CAMKK1: variants seen among roughly 807,000 people sequenced by gnomAD.
CAMKK1 encodes the protein calcium/calmodulin-dependent protein kinase kinase 1.
CAMKK1 carries 20 observed loss-of-function variants against 63.5 expected under a neutral mutation model. That is an observed-to-expected ratio of 0.32 (90% CI 0.22 to 0.46). The LOEUF is 0.46. Ranked by LOEUF, CAMKK1 falls within the 20% of genes least tolerant of loss-of-function variation. The pLI, the probability that CAMKK1 is intolerant of heterozygous loss-of-function variation, is 1.00. For missense variants in CAMKK1, 588 were observed against 658.1 expected (o/e 0.89, Z 1.17); for synonymous variants, 253 against 269.0 (o/e 0.94, Z 0.58).
intron 15 of CAMKK1, among the ~76,000 whole-genome samples, chr17:3,864,628 C>A (rs531172983): frequency 6.6e-6 from 1 of 152,246 alleles, no homozygotes; most frequent in East Asian, 1.9e-4. Context: ...TGCCCCCTCT[C>A]CCCCTACACT....
Position 3,884,425 on chromosome 17 carries a change from G to C in CAMKK1, c.363C>G (p.Asp121Glu), listed in dbSNP as rs1341057329. 6 of 1,613,330 alleles carry C rather than the reference G, an allele frequency of 3.7e-6. No individual in the cohort carries two copies. The highest frequency in any genetic ancestry group is 5.1e-6 in the Non-Finnish European group (6 of 1,179,700). The stretch of plus-strand genomic sequence containing the variant: ...GCTTGTACTGGTTCAGCTGCACGCA[G>C]TCCTGTGGGGGAAGAGCGAGCACCA... ...SHHVAISDAE[D>E]CVQLNQYKLQ... is the part of the protein sequence containing the mutation. Residue 121 changes from aspartate to glutamate, a missense_variant and splice_region_variant, in exon 3 of 16, where the codon GAC (aspartate) becomes GAG (glutamate). Asp to Glu is a conservative substitution (Grantham distance 45). This residue lies in a region of CAMKK1 where 357 missense variants were observed against 407.4 expected (regional missense o/e 0.88). Coordinates refer to ENST00000348335, the MANE Select transcript of CAMKK1 (RefSeq NM_032294.3). The surrounding 1 kb of genome is among the most constrained non-coding windows in gnomAD (Gnocchi z 4.5).
Position 3,882,081 on chromosome 17 carries a change from A to G in CAMKK1, c.686-433T>C, listed in dbSNP as rs558610844. 4.0e-5 allele frequency: 23 copies of G among 570,650 alleles called. 1 individual carries two copies. The South Asian group carries it at 4.2e-4, about 11-fold the overall frequency. The allele number at this position is 570,650 out of a possible 1,614,324, so 35.3% of individuals were successfully genotyped here. On this transcript the variant is annotated intron_variant, in intron 7 of 15. Coordinates refer to ENST00000348335, the MANE Select transcript of CAMKK1 (RefSeq NM_032294.3). This position sits in a 1 kb window ranked among gnomAD's most constrained non-coding sequence, Gnocchi z 4.3. ...GAACCAGACACAAGGAACTAAAATA[A>G]TAACATTACTATTAACAAGGATAAT...
At chr17:3,871,555 A>G (rs567045494) in intron 12 of CAMKK1, among the ~76,000 whole-genome samples, 3 of 148,092 alleles carry the variant, frequency 2.0e-5, no homozygotes, top group South Asian at 4.2e-4. Context: ...ATGGGGTTTC[A>G]CCGTGTTAGC....
In CAMKK1 at chr17:3,887,724, C is replaced by T. The variant is rs538337492; in HGVS notation, c.-43-1994G>A. Among the ~76,000 whole-genome samples, 35 of 151,956 alleles carry T rather than the reference C, an allele frequency of 2.3e-4. No homozygotes were observed. Among genetic ancestry groups the T allele is most frequent in the African/African-American group, 6.5e-4 (27 of 41,446 alleles). On this transcript the variant is annotated intron_variant, in intron 1 of 15. Transcript: ENST00000348335. The surrounding 1 kb of genome is among the most constrained non-coding windows in gnomAD (Gnocchi z 6.1). ...GAGAGGCTGTGGCATAGGGAGGCCT[C>T]CCTGGAGGAGGTGAGAGGGACAGTG... is the stretch of plus-strand genomic sequence containing the variant.
chr17:3,873,555 CCT>C (rs2054998705), intron 10 of CAMKK1, 93 bp from the exon 11 acceptor site: 1 of 1,198,014 alleles, frequency 8.3e-7, no homozygotes. Context: ...CTGCAGGGAA[CCT>C]CTTTCCTCTG....
intron 10 of CAMKK1, among the ~76,000 whole-genome samples, chr17:3,875,625 C>G (rs761876622): frequency 1.3e-5 from 2 of 152,172 alleles, no homozygotes; most frequent in Non-Finnish European, 2.9e-5. Flanking sequence ...CCAAATGCCT[C>G]TCACCCACAG....
Position 3,883,380 on chromosome 17 carries a change from T to C in CAMKK1, c.514+49A>G. 6.3e-7 allele frequency: 1 copy of C among 1,579,368 alleles called. No homozygotes were observed. The highest frequency in any genetic ancestry group is 8.7e-7 in the Non-Finnish European group (1 of 1,148,544). ...CTAGCTCAGGATCGAGGTCTCCTCC[T>C]CTGCCTCCAGGCTAGGAGCTCCCAG... On this transcript the variant is annotated intron_variant, in intron 5 of 15. Coordinates refer to ENST00000348335, the MANE Select transcript of CAMKK1 (RefSeq NM_032294.3). This position sits in a 1 kb window ranked among gnomAD's most constrained non-coding sequence, Gnocchi z 4.7.
rs2055545025 is a variant in CAMKK1, at chr17:3,884,266, C to T, written c.408+114G>A. The T allele has an allele frequency of 8.4e-7, 1 of 1,195,172 alleles. No individual in the cohort carries two copies. The highest frequency in any genetic ancestry group is 1.2e-6 in the Non-Finnish European group (1 of 813,468). 74.0% of individuals were successfully genotyped at this position (1,195,172 alleles called of 1,614,324 possible). A position where few individuals can be genotyped will look rare whatever the true frequency, so the allele number is the denominator to read the frequency against. ...CCACAGGGCACGAAACTGTCCTCAC[C>T]TCCAGGCTAGGACTTGCCTGGCTCT... On this transcript the variant is annotated intron_variant, in intron 3 of 15. Transcript: ENST00000348335. This position sits in a 1 kb window ranked among gnomAD's most constrained non-coding sequence, Gnocchi z 4.5.
intron 12 of CAMKK1, 37 bp from the exon 13 acceptor site, chr17:3,869,925 G>A (rs749764305): frequency 1.8e-5 from 27 of 1,510,282 alleles, no homozygotes; most frequent in South Asian, 1.1e-4. Flanking sequence ...GGGTGGGACC[G>A]CTGATGAGGA....
rs780772317 is a variant in CAMKK1, at chr17:3,887,766, C to T, written c.-43-2036G>A. ...GGGACAGTGAGTGGGGCTGGAGCTT[C>T]GGGGAGAGCTTGGAAACCAGACAGC... On this transcript the variant is annotated intron_variant, in intron 1 of 15. Coordinates refer to ENST00000348335, the MANE Select transcript of CAMKK1 (RefSeq NM_032294.3). The surrounding 1 kb of genome is among the most constrained non-coding windows in gnomAD (Gnocchi z 6.1). 2.0e-5 allele frequency among the ~76,000 whole-genome samples: 3 copies of T among 152,206 alleles called. No individual in the cohort carries two copies. The highest frequency in any genetic ancestry group is 2.1e-4 in the South Asian group (1 of 4,824).
At position 3,869,939 on chromosome 17, in the gene CAMKK1, C is replaced by G; in HGVS notation, c.1125-51G>C. The G allele has an allele frequency of 3.5e-6, 5 of 1,414,050 alleles. No homozygotes were observed. The South Asian group carries it at 4.6e-5, about 13-fold the overall frequency. The allele number at this position is 1,414,050 out of a possible 1,614,324, so 87.6% of individuals were successfully genotyped here. A position where few individuals can be genotyped will look rare whatever the true frequency, so the allele number is the denominator to read the frequency against. On this transcript the variant is annotated intron_variant, in intron 12 of 15. Transcript: ENST00000348335. Reference sequence around the variant, plus strand: ...AGGGTGGGACCGCTGATGAGGACCCCTTCCTGTCCACCTCTCTTCCCGAAA... The same window carrying G: ...AGGGTGGGACCGCTGATGAGGACCCGTTCCTGTCCACCTCTCTTCCCGAAA...
At chr17:3,865,319 G>A (rs1402347480) in intron 15 of CAMKK1, 14 of 986,796 alleles carry the variant, frequency 1.4e-5, no homozygotes, top group African/African-American at 1.7e-5. Flanking sequence ...TTCCTCTCCC[G>A]TGGTCCACCG....
chr17:3,883,746 T>G lies in CAMKK1; in HGVS notation c.462+138A>C, dbSNP rs1250463325. The G allele has an allele frequency of 4.1e-5, 34 of 822,912 alleles. No homozygotes were observed. In the East Asian group the frequency reaches 8.5e-4, roughly 21 times the overall value. The allele number at this position is 822,912 out of a possible 1,614,324, so 51.0% of individuals were successfully genotyped here. A position where few individuals can be genotyped will look rare whatever the true frequency, so the allele number is the denominator to read the frequency against. ...ATATCCCCAGGGTTAGGAAGCTCAT[T>G]CCTTTGCATACCCCTAGGGACAGGG... On this transcript the variant is annotated intron_variant, in intron 4 of 15. Coordinates refer to ENST00000348335, the MANE Select transcript of CAMKK1 (RefSeq NM_032294.3). This position sits in a 1 kb window ranked among gnomAD's most constrained non-coding sequence, Gnocchi z 4.7.
In CAMKK1 at chr17:3,885,699, AG is replaced by A; in HGVS notation, c.-13del. On this transcript the variant is annotated 5_prime_UTR_variant, in exon 2 of 16. Transcript: ENST00000348335. ...GGACCCCCCTCCATTGCTTCAGTCAAGGGGGTTCTTCTGCGTAGCCTTGTTG... is the reference window on the plus strand; with the variant it reads ...GGACCCCCCTCCATTGCTTCAGTCAAGGGGTTCTTCTGCGTAGCCTTGTTG... 6.2e-7 allele frequency: 1 copy of A among 1,611,474 alleles called. No homozygotes were observed. The highest frequency in any genetic ancestry group is 1.1e-5 in the South Asian group (1 of 91,082).
At chr17:3,876,651 T>C (rs1346514245) in intron 9 of CAMKK1, among the ~76,000 whole-genome samples, 2 of 152,042 alleles carry the variant, frequency 1.3e-5, no homozygotes, top group African/African-American at 4.8e-5. Context: ...TAGGAGTCTT[T>C]GGACTCCAAG....
At chr17:3,871,566 C>G (rs1322019969) in intron 12 of CAMKK1, among the ~76,000 whole-genome samples, 1 of 149,664 alleles carries the variant, frequency 6.7e-6, no homozygotes, top group Non-Finnish European at 1.5e-5. Flanking sequence ...CCGTGTTAGC[C>G]AGGATGGTCT....
intron 12 of CAMKK1, among the ~76,000 whole-genome samples, chr17:3,871,873 T>C (rs898178382): frequency 6.6e-6 from 1 of 150,594 alleles, no homozygotes; most frequent in African/African-American, 2.4e-5. Flanking sequence ...CTCTAACTCC[T>C]AACCTCAGGT....
Position 3,884,451 on chromosome 17 carries a change from G to T in CAMKK1, c.361-24C>A, listed in dbSNP as rs763886749. On this transcript the variant is annotated intron_variant, in intron 2 of 15. Coordinates refer to ENST00000348335, the MANE Select transcript of CAMKK1 (RefSeq NM_032294.3). This position sits in a 1 kb window ranked among gnomAD's most constrained non-coding sequence, Gnocchi z 4.5. ...TCCTGTGGGGGAAGAGCGAGCACCA[G>T]GTGGAGCTGGGTCCGGAGGCAGCAC... 2.5e-6 allele frequency: 4 copies of T among 1,611,200 alleles called. No homozygotes were observed. Among genetic ancestry groups the T allele is most frequent in the Non-Finnish European group, 3.4e-6 (4 of 1,178,504 alleles).
At chr17:3,886,962 G>T (rs1407092974) in intron 1 of CAMKK1, among the ~76,000 whole-genome samples, 1 of 152,166 alleles carries the variant, frequency 6.6e-6, no homozygotes, top group East Asian at 1.9e-4. Flanking sequence ...CTGTCTGCTG[G>T]TAACTTCCTC....
Sources: gnomAD v4.1 joint callset for allele counts (sites outside exome capture counted in the v4.1 genomes callset) on GRCh38, gnomAD v4.1.1 for gene constraint, gnomAD v4.1.1 regional missense constraint, Gnocchi (gnomAD v3.1) non-coding constraint, MANE v1.5 for transcripts, NCBI Gene and HGNC (gene_info 2026-07-23, HGNC 2026-07-21) for gene names.